UBA6: variants seen among roughly 807,000 people sequenced by gnomAD.
UBA6 encodes the protein ubiquitin like modifier activating enzyme 6, also known as ubiquitin-like modifier-activating enzyme 6.
Under a neutral mutation model 148.3 loss-of-function variants are expected in UBA6, and 87 were observed. The observed-to-expected ratio is 0.59, with a 90% CI of 0.49 to 0.70. UBA6 has a LOEUF of 0.70. Ranked by LOEUF, UBA6 falls within the 30% of genes least tolerant of loss-of-function variation. UBA6 has a pLI of 0.00. For missense variants in UBA6, 1,186 were observed against 1,241.2 expected (o/e 0.96, Z 0.67); for synonymous variants, 376 against 401.0 (o/e 0.94, Z 0.75).
At chr4:67,668,524 A>T in intron 9 of UBA6, 27 bp downstream of exon 9, 1 of 1,594,666 alleles carries the variant, frequency 6.3e-7, no homozygotes. Flanking sequence ...ATAAGTATAA[A>T]TGAATTAATA....
In UBA6 at chr4:67,613,000, A is replaced by C. The variant is rs1242463494; in HGVS notation, c.*5997T>G. On this transcript the variant is annotated 3_prime_UTR_variant, in exon 33 of 33. Transcript: ENST00000322244. ...GATAGAGCTAAGGGGCTAAAGATTC[A>C]AAAAGAGTCCAGGGTCAGTGAAGAG... The C allele has an allele frequency of 6.6e-6, 1 of 152,272 alleles. No individual in the cohort carries two copies. Among genetic ancestry groups the C allele is most frequent in the Admixed American group, 6.5e-5 (1 of 15,274 alleles). The allele number at this position is 152,272 out of a possible 1,614,324, so 9.4% of individuals were successfully genotyped here. A position where few individuals can be genotyped will look rare whatever the true frequency, so the allele number is the denominator to read the frequency against.
chr4:67,644,828 A>G (rs1430884750), intron 16 of UBA6, 50 bp from the exon 17 acceptor site: 1 of 902,480 alleles, frequency 1.1e-6, no homozygotes, highest in Non-Finnish European at 1.8e-6. Context: ...CCTATCTGTG[A>G]ATCATTTTAC....
At chr4:67,681,676 C>A in intron 3 of UBA6, 85 bp from the exon 4 acceptor site, 1 of 893,080 alleles carries the variant, frequency 1.1e-6, no homozygotes. Flanking sequence ...ACATATCTGA[C>A]TGCATACTTT....
intron 6 of UBA6, among the ~76,000 whole-genome samples, chr4:67,676,847 G>A (rs1303204170): frequency 1.3e-5 from 2 of 148,614 alleles, no homozygotes; most frequent in Non-Finnish European, 3.0e-5. Flanking sequence ...ATCTACTCCA[G>A]AACAGAAGTC....
chr4:67,696,801 C>T, intron 1 of UBA6, 94 bp from the exon 2 acceptor site: 1 of 927,584 alleles, frequency 1.1e-6, no homozygotes, highest in Non-Finnish European at 1.6e-6. Context: ...TAAAGGTTTT[C>T]ACAAACCAAA....
intron 13 of UBA6, among the ~76,000 whole-genome samples, chr4:67,654,551 A>G (rs1414943707): frequency 1.3e-5 from 2 of 152,250 alleles, no homozygotes; most frequent in Admixed American, 6.5e-5. Flanking sequence ...AAACATGGAA[A>G]GGAATAACTG....
intron 2 of UBA6, among the ~76,000 whole-genome samples, chr4:67,695,316 C>G (rs1465468020): frequency 6.6e-6 from 1 of 152,212 alleles, no homozygotes; most frequent in Non-Finnish European, 1.5e-5. Flanking sequence ...CAAGCTTGCT[C>G]TCATTTCAGA....
At chr4:67,677,576 T>G in intron 6 of UBA6, 35 bp downstream of exon 6, 1 of 1,125,152 alleles carries the variant, frequency 8.9e-7, no homozygotes, top group African/African-American at 1.6e-5. Flanking sequence ...CCCTGGAACC[T>G]GTCAATAACA....
chr4:67,673,862 G>A (rs913802944), intron 6 of UBA6, 85 bp from the exon 7 acceptor site: 61 of 955,926 alleles, frequency 6.4e-5, no homozygotes, highest in African/African-American at 5.3e-4. Context: ...GTCAGTTTGC[G>A]TTGTGCTAAA....
At chr4:67,681,904 T>C (rs1730449298) in intron 3 of UBA6, among the ~76,000 whole-genome samples, 1 of 152,232 alleles carries the variant, frequency 6.6e-6, no homozygotes, top group Admixed American at 6.5e-5. Flanking sequence ...AATTAATGGC[T>C]ATTAACATCA....
intron 18 of UBA6, among the ~76,000 whole-genome samples, chr4:67,639,436 G>T (rs1188024663): frequency 6.6e-6 from 1 of 152,054 alleles, no homozygotes; most frequent in South Asian, 2.1e-4. Context: ...TTTTTCCCTA[G>T]TAATGATGTT....
chr4:67,617,764 G>C lies in UBA6; in HGVS notation c.*1233C>G, dbSNP rs1271131464. The C allele has an allele frequency of 2.0e-5, 3 of 151,990 alleles. No homozygotes were observed. Among genetic ancestry groups the C allele is most frequent in the Admixed American group, 2.0e-4 (3 of 15,246 alleles). The allele number at this position is 151,990 out of a possible 1,614,324, so 9.4% of individuals were successfully genotyped here. A position where few individuals can be genotyped will look rare whatever the true frequency, so the allele number is the denominator to read the frequency against. ...CAGGAGAGTAGAAGGAAAGGAGCTAGAGGGAAATTACTTCCTATGGTTAAA... is the reference window on the plus strand; with the variant it reads ...CAGGAGAGTAGAAGGAAAGGAGCTACAGGGAAATTACTTCCTATGGTTAAA... On this transcript the variant is annotated 3_prime_UTR_variant, in exon 33 of 33. Transcript: ENST00000322244.
intron 32 of UBA6, among the ~76,000 whole-genome samples, chr4:67,620,855 G>A (rs1226119827): frequency 6.6e-6 from 1 of 152,074 alleles, no homozygotes; most frequent in Non-Finnish European, 1.5e-5. Flanking sequence ...AGCTACTCAA[G>A]GTAACAAAAC....
At chr4:67,666,964 G>A (rs549424423) in intron 9 of UBA6, among the ~76,000 whole-genome samples, 5 of 152,196 alleles carry the variant, frequency 3.3e-5, no homozygotes, top group African/African-American at 1.2e-4. Context: ...TCAGTAAGTA[G>A]CAATTTATAA....
At chr4:67,657,910 A>G (rs1306611813) in intron 13 of UBA6, among the ~76,000 whole-genome samples, 1 of 152,214 alleles carries the variant, frequency 6.6e-6, no homozygotes, top group African/African-American at 2.4e-5. Context: ...TTCTCAAAAG[A>G]AGACATTTAT....
chr4:67,649,986 TAC>T (rs1022199967), intron 13 of UBA6, among the ~76,000 whole-genome samples: 12 of 152,278 alleles, frequency 7.9e-5, no homozygotes, highest in Middle Eastern at 3.4e-3. Flanking sequence ...GAGTTTTTAT[TAC>T]ACTCTCAAAA....
chr4:67,701,033 C>T lies in UBA6; in HGVS notation c.71+16G>A. 1.2e-6 allele frequency: 2 copies of T among 1,613,702 alleles called. No individual in the cohort carries two copies. Among genetic ancestry groups the T allele is most frequent in the Non-Finnish European group, 1.7e-6 (2 of 1,179,682 alleles). ...CCACCCGCGACCCCTCACCTTCGCC[C>T]TTCTCGTCCTCTCACCTGCCAGTCC... On this transcript the variant is annotated intron_variant, in intron 1 of 32. Coordinates refer to ENST00000322244, the MANE Select transcript of UBA6 (RefSeq NM_018227.6).
chr4:67,670,731 C>T (rs918745257), intron 7 of UBA6, 139 bp from the exon 8 acceptor site: 14 of 658,570 alleles, frequency 2.1e-5, no homozygotes, highest in Non-Finnish European at 3.6e-5. Context: ...AAATCATAAA[C>T]AGGATAAACT....
At chr4:67,675,645 C>T (rs1383810539) in intron 6 of UBA6, among the ~76,000 whole-genome samples, 1 of 152,038 alleles carries the variant, frequency 6.6e-6, no homozygotes, top group Non-Finnish European at 1.5e-5. Flanking sequence ...GTAGGAGAAT[C>T]ACTTGAACCC....
Sources: allele counts gnomAD v4.1 joint callset (sites outside exome capture counted in the v4.1 genomes callset), GRCh38; gene constraint gnomAD v4.1.1; transcripts MANE v1.5; gene names NCBI Gene and HGNC (gene_info 2026-07-23, HGNC 2026-07-21).